MSI2: variants seen among roughly 807,000 people sequenced by gnomAD.
MSI2 encodes musashi RNA binding protein 2.
In MSI2, 17 loss-of-function variants were observed where a neutral mutation model predicts 45.6. The observed-to-expected ratio is 0.37, with a 90% CI of 0.26 to 0.56. MSI2 has a LOEUF of 0.56. Among genes scored for constraint, MSI2 ranks in the 20% least tolerant of loss-of-function variants. The probability of loss-of-function intolerance (pLI) is 0.77; values close to 1 mark genes in which losing one functional copy is unlikely to be tolerated. For synonymous variants in MSI2, 156 were observed against 158.2 expected (o/e 0.99, Z 0.11); for missense variants, 293 against 444.2 (o/e 0.66, Z 3.06).
At chr17:57,424,976 G>A (rs186203663) in intron 6 of MSI2, among the ~76,000 whole-genome samples, 4 of 152,264 alleles carry the variant, frequency 2.6e-5, no homozygotes, top group South Asian at 2.1e-4. Flanking sequence ...CCTCAGCGAG[G>A]CCCCATTTCC....
intron 6 of MSI2, among the ~76,000 whole-genome samples, chr17:57,420,017 A>G (rs751058354): frequency 1.3e-5 from 2 of 152,210 alleles, no homozygotes; most frequent in Non-Finnish European, 2.9e-5. Flanking sequence ...GAGAATCACT[A>G]CTTGCCCAGA....
intron 5 of MSI2, among the ~76,000 whole-genome samples, chr17:57,357,164 T>C (rs974363739): frequency 1.4e-4 from 21 of 152,052 alleles, no homozygotes; most frequent in African/African-American, 5.1e-4. Flanking sequence ...AGGACAGCCT[T>C]GTTCACTGCC....
At chr17:57,687,941 G>A (rs1913915168), downstream of MSI2, among the ~76,000 whole-genome samples, 1 of 151,992 alleles carries the variant, frequency 6.6e-6, no homozygotes, top group Non-Finnish European at 1.5e-5. Context: ...TATTATACTA[G>A]CAAACTAAAG....
intron 5 of MSI2, among the ~76,000 whole-genome samples, chr17:57,312,473 G>C (rs1912479835): frequency 6.6e-6 from 1 of 152,194 alleles, no homozygotes; most frequent in African/African-American, 2.4e-5. Flanking sequence ...CCCCTGGGGA[G>C]GTGCCTGATG....
In MSI2 at chr17:57,596,522, G is replaced by T. The variant is rs76713176; in HGVS notation, c.455-346G>T. Among the ~76,000 whole-genome samples, 8 of 152,334 alleles carry T rather than the reference G, an allele frequency of 5.3e-5. No individual in the cohort carries two copies. In the South Asian group the frequency reaches 1.7e-3, roughly 32 times the overall value. ...CAAGCGTGGCCCCGCAGTGATCCAC[G>T]AGGCTCTGGTTAGCCCACCCGCCTG... On this transcript the variant is annotated intron_variant, in intron 7 of 13. Coordinates refer to ENST00000284073, the MANE Select transcript of MSI2 (RefSeq NM_138962.4). The surrounding 1 kb of genome is among the most constrained non-coding windows in gnomAD (Gnocchi z 4.6).
At chr17:57,282,030 C>T (rs1159323433) in intron 5 of MSI2, among the ~76,000 whole-genome samples, 1 of 152,168 alleles carries the variant, frequency 6.6e-6, no homozygotes, top group Admixed American at 6.5e-5. Flanking sequence ...TTTGACTTCC[C>T]TAGCTTTATC....
At chr17:57,310,035 G>T (rs958287448) in intron 5 of MSI2, among the ~76,000 whole-genome samples, 2 of 152,220 alleles carry the variant, frequency 1.3e-5, no homozygotes, top group Non-Finnish European at 2.9e-5. Context: ...TAGCATTTGT[G>T]TGTCAGTTCA....
chr17:57,275,717 T>G (rs1368342441), intron 5 of MSI2, among the ~76,000 whole-genome samples: 1 of 151,996 alleles, frequency 6.6e-6, no homozygotes, highest in African/African-American at 2.4e-5. Context: ...TGCGTGTGAA[T>G]GTTAGTGTGT....
chr17:57,546,404 T>C (rs1479097444), intron 7 of MSI2, among the ~76,000 whole-genome samples: 1 of 152,222 alleles, frequency 6.6e-6, no homozygotes, highest in African/African-American at 2.4e-5. Flanking sequence ...ATTACTGTGA[T>C]GCTAATAAAA....
chr17:57,650,125 CT>C (rs1015163320), intron 10 of MSI2, among the ~76,000 whole-genome samples: 1 of 152,032 alleles, frequency 6.6e-6, no homozygotes, highest in African/African-American at 2.4e-5. Context: ...CTCTTTCAGA[CT>C]TTTTGTCCAA....
intron 6 of MSI2, among the ~76,000 whole-genome samples, chr17:57,522,082 G>A (rs2086597871): frequency 6.6e-6 from 1 of 152,134 alleles, no homozygotes; most frequent in Non-Finnish European, 1.5e-5. Flanking sequence ...CCCATGTTCT[G>A]CGTAATCCTG....
chr17:57,419,700 C>T (rs1020348347), intron 6 of MSI2, among the ~76,000 whole-genome samples: 2 of 152,096 alleles, frequency 1.3e-5, no homozygotes, highest in Non-Finnish European at 2.9e-5. Flanking sequence ...ACTAGCTGCA[C>T]CAAGCCATCT....
intron 7 of MSI2, among the ~76,000 whole-genome samples, chr17:57,545,213 C>G (rs139487598): frequency 1.1e-4 from 17 of 152,206 alleles, no homozygotes; most frequent in African/African-American, 3.9e-4. Flanking sequence ...ATAAGTGCCT[C>G]CTCACTATTG....
intron 10 of MSI2, among the ~76,000 whole-genome samples, chr17:57,640,945 G>A (rs1351620884): frequency 6.6e-6 from 1 of 152,184 alleles, no homozygotes; most frequent in Non-Finnish European, 1.5e-5. Context: ...GAATAGAGAA[G>A]GCCGTCCTCC....
intron 6 of MSI2, among the ~76,000 whole-genome samples, chr17:57,462,533 G>T (rs1191876917): frequency 6.6e-6 from 1 of 152,350 alleles, no homozygotes. Context: ...GTAGGCTGCA[G>T]TTCCCAGCAG....
rs1248749819 is a variant in MSI2, at chr17:57,258,287, C to A, written c.203C>A (p.Thr68Lys). 6.2e-7 allele frequency: 1 copy of A among 1,614,114 alleles called. No homozygotes were observed. Among genetic ancestry groups the A allele is most frequent in the Admixed American group, 1.7e-5 (1 of 60,020 alleles). Residue 68 changes from threonine (T) to lysine (K), a missense_variant, in exon 4 of 14, where the codon ACG becomes AAG. Transcript: ENST00000284073. The part of the protein sequence containing the change: ...TKRSRGFGFV[T>K]FADPASVDKV... ...CCTTTCAGAGGCTTCGGTTTCGTCACGTTCGCAGACCCAGCAAGTGTAGAT... is the reference window on the plus strand; with the variant it reads ...CCTTTCAGAGGCTTCGGTTTCGTCAAGTTCGCAGACCCAGCAAGTGTAGAT...
At chr17:57,436,611 C>T (rs1399637254) in intron 6 of MSI2, among the ~76,000 whole-genome samples, 1 of 152,122 alleles carries the variant, frequency 6.6e-6, no homozygotes, top group African/African-American at 2.4e-5. Context: ...GCAGAGGAGC[C>T]CCTGGGTCTG....
At chr17:57,658,210 A>G (rs73314779) in intron 11 of MSI2, among the ~76,000 whole-genome samples, 1,928 of 152,282 alleles carry the variant, frequency 0.013, 33 homozygotes, top group African/African-American at 0.043. Context: ...GGTCATGGGG[A>G]CACCCTTGTG....
intron 7 of MSI2, among the ~76,000 whole-genome samples, chr17:57,546,365 C>T (rs947779726): frequency 3.3e-5 from 5 of 152,072 alleles, no homozygotes; most frequent in Admixed American, 6.5e-5. Flanking sequence ...TAAGTGCAGC[C>T]GAAGATTTCT....
Sources: gnomAD v4.1 joint callset for allele counts (sites outside exome capture counted in the v4.1 genomes callset) on GRCh38, gnomAD v4.1.1 for gene constraint, Gnocchi (gnomAD v3.1) non-coding constraint, MANE v1.5 for transcripts, NCBI Gene and HGNC (gene_info 2026-07-23, HGNC 2026-07-21) for gene names.